Variants in PDLIM7 observed in about 807,000 individuals in gnomAD.
The protein encoded by PDLIM7 is PDZ and LIM domain 7.
In PDLIM7, 37 loss-of-function variants were observed where a neutral mutation model predicts 53.9. The ratio of observed to expected loss-of-function variants is 0.69; its 90% CI spans 0.53 to 0.90. The LOEUF is 0.90. Among genes scored for constraint, PDLIM7 ranks in the 40% least tolerant of loss-of-function variants. The pLI, the probability that PDLIM7 is intolerant of heterozygous loss-of-function variation, is 0.00. For synonymous variants in PDLIM7, 300 were observed against 261.3 expected (o/e 1.15, Z -1.43); for missense variants, 617 against 638.5 (o/e 0.97, Z 0.36).
chr5:177,488,791 G>A (rs547987544), intron 9 of PDLIM7, among the ~76,000 whole-genome samples: 105 of 152,262 alleles, frequency 6.9e-4, no homozygotes, highest in African/African-American at 2.4e-3. Context: ...TCAGGAGGCT[G>A]AGGCAGGAGA....
intron 5 of PDLIM7, 54 bp from the exon 6 acceptor site, chr5:177,491,200 G>A: frequency 6.5e-7 from 1 of 1,545,872 alleles, no homozygotes; most frequent in Non-Finnish European, 8.8e-7. Flanking sequence ...GGTGGGGGCA[G>A]CCCCTCCCAG....
Position 177,491,033 on chromosome 5 carries a change from G to A in PDLIM7, c.512C>T (p.Ala171Val), listed in dbSNP as rs373639992. 1.2e-6 allele frequency: 2 copies of A among 1,613,074 alleles called. No homozygotes were observed. The highest frequency in any genetic ancestry group is 2.7e-5 in the African/African-American group (2 of 74,926). The change falls in exon 6 of 13, where the codon GCC becomes GTC. Residue 171 changes from alanine (A) to valine (V), a missense_variant. Ala to Val is a moderately conservative substitution (Grantham distance 64). Coordinates refer to ENST00000355841, the MANE Select transcript of PDLIM7 (RefSeq NM_005451.5). ...ACTGAACTCGGTGCCTGTGAGGTGGGCAAGGATGCGGAAGGAACGCGACTG... is the reference window on the plus strand; with the variant it reads ...ACTGAACTCGGTGCCTGTGAGGTGGACAAGGATGCGGAAGGAACGCGACTG... ...TGQSRSFRILAHLTGTEFMQD... is the reference protein window; with the variant it reads ...TGQSRSFRILVHLTGTEFMQD...
In PDLIM7 at chr5:177,487,951, C is replaced by T. The variant is rs73804358; in HGVS notation, c.1050+117G>A. 7,857 of 915,494 alleles carry T rather than the reference C, an allele frequency of 8.6e-3. 428 individuals carry two copies. The African/African-American group carries it at 0.11, about 13-fold the overall frequency. 56.7% of individuals were successfully genotyped at this position (915,494 alleles called of 1,614,324 possible). On this transcript the variant is annotated intron_variant, in intron 10 of 12. Transcript: ENST00000355841. ...GGCCAGTACAGCAGCCCATTTATTA[C>T]GCTGGTAAGGACCCGGAGGGCTCAC...
intron 5 of PDLIM7, chr5:177,491,525 C>A: frequency 1.1e-6 from 1 of 926,586 alleles, no homozygotes; most frequent in South Asian, 1.4e-5. Context: ...CAAGGCGGCA[C>A]TGAGTGTCTG....
At chr5:177,483,799 T>C (rs1758301405) in intron 12 of PDLIM7, 68 bp downstream of exon 12, 10 of 1,582,862 alleles carry the variant, frequency 6.3e-6, no homozygotes, top group African/African-American at 2.7e-5. Context: ...CAACTTCTCC[T>C]GCATCTCCTG....
chr5:177,484,467 A>C, intron 10 of PDLIM7: 3 of 405,988 alleles, frequency 7.4e-6, no homozygotes, highest in South Asian at 2.6e-5. Flanking sequence ...TGGCAACTCC[A>C]TTCTCCTGTC....
intron 7 of PDLIM7, chr5:177,490,190 C>T (rs957746461): frequency 6.9e-7 from 1 of 1,441,586 alleles, no homozygotes; most frequent in Non-Finnish European, 9.1e-7. Flanking sequence ...CCACGAAACA[C>T]CCCCACACCC....
At chr5:177,496,590 C>T (rs928824970) in intron 1 of PDLIM7, 67 bp from the exon 2 acceptor site, 114 of 1,131,386 alleles carry the variant, frequency 1.0e-4, no homozygotes, top group Non-Finnish European at 1.4e-4. Flanking sequence ...GCCGGGCCAG[C>T]TCAGGATACC....
chr5:177,490,396 G>A (rs932449346), intron 7 of PDLIM7: 2 of 1,487,894 alleles, frequency 1.3e-6, no homozygotes, highest in East Asian at 2.5e-5. Flanking sequence ...GCACGAAAGG[G>A]GGGGTGAGGT....
chr5:177,489,555 G>T lies in PDLIM7; in HGVS notation c.707C>A (p.Pro236Gln). The part of the protein sequence containing the change: ...VDPAFAERYA[P>Q]DKTSTVLTRH... ...GGTCAGCACTGTGCTCGTTTTGTCC[G>T]GGGCATAGCGCTCGGCAAACGCAGG... Residue 236 changes from proline (P) to glutamine (Q), a missense_variant, in exon 9 of 13, where the codon CCG (proline) becomes CAG (glutamine). Physicochemically the swap from Pro to Gln is moderately conservative, Grantham distance 76. Transcript: ENST00000355841. 6.2e-7 allele frequency: 1 copy of T among 1,610,844 alleles called. No homozygotes were observed. Among genetic ancestry groups the T allele is most frequent in the Non-Finnish European group, 8.5e-7 (1 of 1,179,242 alleles).
Position 177,489,378 on chromosome 5 carries a change from G to A in PDLIM7, c.869+15C>T. 6.5e-7 allele frequency: 1 copy of A among 1,535,084 alleles called. No individual in the cohort carries two copies. The highest frequency in any genetic ancestry group is 8.8e-7 in the Non-Finnish European group (1 of 1,133,136). On this transcript the variant is annotated intron_variant, in intron 9 of 12. Transcript: ENST00000355841. The stretch of plus-strand genomic sequence containing the variant: ...GGATGGGAAAGCCAGGGTCGGACAG[G>A]AACAGGCCACCCACCGGATGACCTT...
At chr5:177,489,175 C>T (rs1245928167) in intron 9 of PDLIM7, among the ~76,000 whole-genome samples, 2 of 152,206 alleles carry the variant, frequency 1.3e-5, no homozygotes, top group Non-Finnish European at 2.9e-5. Context: ...TCGGCTATTT[C>T]GCCACGGCAG....
chr5:177,491,216 G>C, intron 5 of PDLIM7, 70 bp from the exon 6 acceptor site: 2 of 1,522,218 alleles, frequency 1.3e-6, no homozygotes, highest in South Asian at 2.4e-5. Context: ...CCCAGGATTT[G>C]GTGCATGTGG....
chr5:177,487,869 G>A (rs550094167), intron 10 of PDLIM7, 199 bp downstream of exon 10: 29 of 466,594 alleles, frequency 6.2e-5, no homozygotes, highest in Admixed American at 5.4e-4. Flanking sequence ...AGCCTTGGGC[G>A]GTTTCTGAGC....
intron 10 of PDLIM7, among the ~76,000 whole-genome samples, chr5:177,485,322 G>A (rs1283938448): frequency 2.0e-5 from 3 of 152,214 alleles, no homozygotes; most frequent in African/African-American, 7.2e-5. Flanking sequence ...AGCTCTCCCT[G>A]GGCTGGGCTG....
At position 177,489,620 on chromosome 5, in the gene PDLIM7, G is replaced by T. The variant is rs751208511; in HGVS notation, c.642C>A (p.Thr214=). 3 of 1,592,974 alleles carry T rather than the reference G, an allele frequency of 1.9e-6. No homozygotes were observed. The highest frequency in any genetic ancestry group is 2.6e-6 in the Non-Finnish European group (3 of 1,171,586). The change falls in exon 9 of 13, where the codon ACC becomes ACA. Residue 214 remains threonine, a synonymous_variant. Transcript: ENST00000355841. The part of the protein sequence containing the change: ...STPQEPWPGP[T]APSPTSRPPW... Reference sequence around the variant, plus strand: ...GCGGGCGGCTGGTAGGGCTGGGGGCGGTAGGGCCTGCCGGGGAAAGTGACT... The same window carrying T: ...GCGGGCGGCTGGTAGGGCTGGGGGCTGTAGGGCCTGCCGGGGAAAGTGACT...
chr5:177,487,259 C>A (rs986069760), intron 10 of PDLIM7, among the ~76,000 whole-genome samples: 10 of 152,184 alleles, frequency 6.6e-5, no homozygotes, highest in Admixed American at 5.2e-4. Flanking sequence ...ACTGATGGAA[C>A]CCCCAGTTTT....
Position 177,492,427 on chromosome 5 carries a change from G to A in PDLIM7, c.257C>T (p.Pro86Leu), listed in dbSNP as rs763323294. The A allele has an allele frequency of 5.6e-6, 9 of 1,613,516 alleles. No homozygotes were observed. The highest frequency in any genetic ancestry group is 2.7e-5 in the African/African-American group (2 of 74,916). ...TACCTTCTGCGGTTTGCTCTGAACC[G>A]GCTGGGCCCTGGAGGAGAAGGAAAG... Reference protein sequence around the residue: ...RLSLGLSRAQPVQSKPQKASA... With the variant: ...RLSLGLSRAQLVQSKPQKASA... Residue 86 changes from proline (P) to leucine (L), a missense_variant, in exon 4 of 13, where the codon CCG (proline) becomes CTG (leucine). Pro to Leu is a moderately conservative substitution (Grantham distance 98). Coordinates refer to ENST00000355841, the MANE Select transcript of PDLIM7 (RefSeq NM_005451.5).
In PDLIM7 at chr5:177,492,885, T is replaced by C. The variant is rs1758877794; in HGVS notation, c.97-208A>G. ...GAGCTTCACAATTTCCCAGTCACACTGCTTATTTATTCACTGCCAGACCCT... is the reference window on the plus strand; with the variant it reads ...GAGCTTCACAATTTCCCAGTCACACCGCTTATTTATTCACTGCCAGACCCT... On this transcript the variant is annotated intron_variant, in intron 2 of 12. Coordinates refer to ENST00000355841, the MANE Select transcript of PDLIM7 (RefSeq NM_005451.5). 7 of 584,264 alleles carry C rather than the reference T, an allele frequency of 1.2e-5. No individual in the cohort carries two copies. The Admixed American group carries it at 1.8e-4, about 15-fold the overall frequency. 36.2% of individuals were successfully genotyped at this position (584,264 alleles called of 1,614,324 possible).
Sources: gnomAD v4.1 joint callset for allele counts (sites outside exome capture counted in the v4.1 genomes callset) on GRCh38, gnomAD v4.1.1 for gene constraint, MANE v1.5 for transcripts, NCBI Gene and HGNC (gene_info 2026-07-23, HGNC 2026-07-21) for gene names.